ELF3: variants seen among roughly 807,000 people sequenced by gnomAD.
The protein encoded by ELF3 is ETS-related transcription factor Elf-3.
In ELF3, 18 loss-of-function variants were observed where a neutral mutation model predicts 43.9. The ratio of observed to expected loss-of-function variants is 0.41; its 90% confidence interval spans 0.28 to 0.61. The LOEUF (loss-of-function observed/expected upper bound fraction) is 0.61, where lower values mean the gene tolerates loss of function less well. Among genes scored for constraint, ELF3 ranks in the 20% least tolerant of loss-of-function variants. The pLI is 0.30. For missense variants in ELF3, 373 were observed against 487.7 expected (o/e 0.76, Z 2.21); for synonymous variants, 181 against 190.2 (o/e 0.95, Z 0.40).
chr1:202,013,728 T>A lies in ELF3; in HGVS notation c.806-101T>A. 1 of 1,318,448 alleles carries A rather than the reference T, an allele frequency of 7.6e-7. No homozygotes were observed. Among genetic ancestry groups the A allele is most frequent in the Non-Finnish European group, 1.0e-6 (1 of 966,994 alleles). 81.7% of individuals were successfully genotyped at this position (1,318,448 alleles called of 1,614,324 possible). On this transcript the variant is annotated intron_variant, in intron 7 of 8. Coordinates refer to ENST00000367284, the MANE Select transcript of ELF3 (RefSeq NM_004433.5). The surrounding 1 kb of genome is among the most constrained non-coding windows in gnomAD (Gnocchi z 5.7). ...GGGGTCTCTGGAGAGGCTTGCTGCA[T>A]GCTGTGGCCAAGTCAGCAGTGCACT...
Position 202,016,634 on chromosome 1 carries a change from A to G in ELF3, c.*1311A>G, listed in dbSNP as rs1684314471. The stretch of plus-strand genomic sequence containing the variant: ...TTTTTCTCTTTTTTTTTTAATTGCA[A>G]CTTTTACTTTAGATTTAGGAGGTCG... On this transcript the variant is annotated 3_prime_UTR_variant, in exon 9 of 9. Transcript: ENST00000367284. 1 of 151,610 alleles carries G rather than the reference A, an allele frequency of 6.6e-6. No homozygotes were observed. Among genetic ancestry groups the G allele is most frequent in the South Asian group, 2.1e-4 (1 of 4,810 alleles). 9.4% of individuals were successfully genotyped at this position (151,610 alleles called of 1,614,324 possible). A position where few individuals can be genotyped will look rare whatever the true frequency, so the allele number is the denominator to read the frequency against.
Position 202,013,292 on chromosome 1 carries a change from A to G in ELF3, c.799A>G (p.Lys267Glu), listed in dbSNP as rs1339557452. 1 of 1,613,304 alleles carries G rather than the reference A, an allele frequency of 6.2e-7. No individual in the cohort carries two copies. Among genetic ancestry groups the G allele is most frequent in the Non-Finnish European group, 8.5e-7 (1 of 1,179,426 alleles). Reference sequence around the variant, plus strand: ...GGACTGTCTCGAGGGCAAGAAGAGCAAGCACGGTGAGCTCCGGGGGCACGT... The same window carrying G: ...GGACTGTCTCGAGGGCAAGAAGAGCGAGCACGGTGAGCTCCGGGGGCACGT... The part of the protein sequence containing the change: ...YWDCLEGKKS[K>E]HAPRGTHLWE... The change falls in exon 7 of 9, where the codon AAG becomes GAG. Residue 267 changes from lysine (K) to glutamate (E), a missense_variant. By Grantham distance (56) the Lys-to-Glu change is moderately conservative. This residue lies in a region of ELF3 where 311 missense variants were observed against 351.2 expected (regional missense o/e 0.89). Transcript: ENST00000367284. The surrounding 1 kb of genome is among the most constrained non-coding windows in gnomAD (Gnocchi z 5.7).
rs764832150 is a variant in ELF3, at chr1:202,011,227, C to G, written c.91C>G (p.Pro31Ala). The change falls in exon 2 of 9, where the codon CCT becomes GCT. Residue 31 changes from proline (P) to alanine (A), a missense_variant. Physicochemically the swap from Pro to Ala is conservative, Grantham distance 27. This residue lies in a region of ELF3 where 311 missense variants were observed against 351.2 expected (regional missense o/e 0.89). Coordinates refer to ENST00000367284, the MANE Select transcript of ELF3 (RefSeq NM_004433.5). ...GGACTCCACCCTGGCCTCTGTTCCC[C>G]CTGCTGCCACCTTTGGGGCCGATGA... ...SEDSTLASVP[P>A]AATFGADDLV... 1 of 1,613,572 alleles carries G rather than the reference C, an allele frequency of 6.2e-7. No homozygotes were observed. Among genetic ancestry groups the G allele is most frequent in the South Asian group, 1.1e-5 (1 of 91,038 alleles).
In ELF3 at chr1:202,013,307, C is replaced by T. The variant is rs555986972; in HGVS notation, c.805+9C>T. On this transcript the variant is annotated intron_variant, in intron 7 of 8. Transcript: ENST00000367284. This position sits in a 1 kb window ranked among gnomAD's most constrained non-coding sequence, Gnocchi z 5.7. Reference sequence around the variant, plus strand: ...CAAGAAGAGCAAGCACGGTGAGCTCCGGGGGCACGTGGGTCCTCCCTGCGC... The same window carrying T: ...CAAGAAGAGCAAGCACGGTGAGCTCTGGGGGCACGTGGGTCCTCCCTGCGC... The T allele has an allele frequency of 2.1e-5, 34 of 1,611,792 alleles. No homozygotes were observed. The highest frequency in any genetic ancestry group is 1.7e-4 in the Admixed American group (10 of 59,924).
rs762602641 is a variant in ELF3 at position 202,010,917 on chromosome 1, TGAG to T, written c.-8-207_-8-205del. 4.3e-4 allele frequency: 240 copies of T among 555,372 alleles called. No individual in the cohort carries two copies. Among genetic ancestry groups the T allele is most frequent in the Non-Finnish European group, 7.1e-4 (223 of 315,678 alleles). The allele number at this position is 555,372 out of a possible 1,614,324, so 34.4% of individuals were successfully genotyped here. A position where few individuals can be genotyped will look rare whatever the true frequency, so the allele number is the denominator to read the frequency against. On this transcript the variant is annotated intron_variant, in intron 1 of 8. Transcript: ENST00000367284. This position sits in a 1 kb window ranked among gnomAD's most constrained non-coding sequence, Gnocchi z 4.3. ...GTCTGGCTCCAGGGCCCCAGAGATCTGAGGAGGGAAGCCCAGCTGGAGGCTCCT... is the reference window on the plus strand; with the variant it reads ...GTCTGGCTCCAGGGCCCCAGAGATCTGAGGGAAGCCCAGCTGGAGGCTCCT...
In ELF3 at chr1:202,015,724, C is replaced by T. The variant is rs904517116; in HGVS notation, c.*401C>T. ...GAGGACAGAGCAGGGGCTCCAGCACCTTCTTTCTGGACTGGCGTTCACCTC... is the reference window on the plus strand; with the variant it reads ...GAGGACAGAGCAGGGGCTCCAGCACTTTCTTTCTGGACTGGCGTTCACCTC... On this transcript the variant is annotated 3_prime_UTR_variant, in exon 9 of 9. Coordinates refer to ENST00000367284, the MANE Select transcript of ELF3 (RefSeq NM_004433.5). The T allele has an allele frequency of 2.0e-5, 4 of 196,042 alleles. No homozygotes were observed. Among genetic ancestry groups the T allele is most frequent in the Non-Finnish European group, 4.3e-5 (4 of 92,968 alleles). The allele number at this position is 196,042 out of a possible 1,614,324, so 12.1% of individuals were successfully genotyped here. A position where few individuals can be genotyped will look rare whatever the true frequency, so the allele number is the denominator to read the frequency against.
In ELF3 at chr1:202,013,888, A is replaced by C; in HGVS notation, c.865A>C (p.Asn289His). The change falls in exon 8 of 9, where the codon AAC becomes CAC. Residue 289 changes from asparagine (N) to histidine (H), a missense_variant. Transcript: ENST00000367284. The surrounding 1 kb of genome is among the most constrained non-coding windows in gnomAD (Gnocchi z 5.7). ...GGACATCCTCATCCACCCGGAGCTC[A>C]ACGAGGGCCTCATGAAGTGGGAGAA... ...IRDILIHPEL[N>H]EGLMKWENRH... is the part of the protein sequence containing the mutation. 1 of 1,614,112 alleles carries C rather than the reference A, an allele frequency of 6.2e-7. No homozygotes were observed. Among genetic ancestry groups the C allele is most frequent in the Non-Finnish European group, 8.5e-7 (1 of 1,179,998 alleles).
At chr1:202,011,737 C>T (rs1035635097) in intron 2 of ELF3, 5 of 571,208 alleles carry the variant, frequency 8.8e-6, no homozygotes, top group African/African-American at 5.6e-5. Flanking sequence ...TTTATCCCAG[C>T]GTGGTGGTGG....
chr1:202,011,743 G>A (rs529825132), intron 2 of ELF3: 3 of 582,816 alleles, frequency 5.1e-6, no homozygotes, highest in East Asian at 2.9e-5. Context: ...CCAGCGTGGT[G>A]GTGGGCACCT....
intron 8 of ELF3, 84 bp from the exon 9 acceptor site, chr1:202,015,125 G>A: frequency 7.1e-7 from 1 of 1,402,492 alleles, no homozygotes; most frequent in Non-Finnish European, 1.0e-6. Context: ...GTTACCTGGG[G>A]GTAACGCGGG....
rs373408742 is a variant in ELF3 at position 202,012,411 on chromosome 1, G to A, written c.453G>A (p.Gln151=). Residue 151 remains glutamine, a synonymous_variant, in exon 4 of 9, where the codon CAG becomes CAA. Transcript: ENST00000367284. The surrounding 1 kb of genome is among the most constrained non-coding windows in gnomAD (Gnocchi z 4.2). ...ELLEKDGMAF[Q]EALDPGPFDQ... ...TGGAGAAGGATGGCATGGCCTTCCA[G>A]GAGGCCCTAGACCCAGGGCCCTTTG... The A allele has an allele frequency of 6.2e-7, 1 of 1,614,110 alleles. No individual in the cohort carries two copies. The highest frequency in any genetic ancestry group is 8.5e-7 in the Non-Finnish European group (1 of 1,180,000).
In ELF3 at chr1:202,012,588, G is replaced by C; in HGVS notation, c.479-52G>C. On this transcript the variant is annotated intron_variant, in intron 4 of 8. Coordinates refer to ENST00000367284, the MANE Select transcript of ELF3 (RefSeq NM_004433.5). This position sits in a 1 kb window ranked among gnomAD's most constrained non-coding sequence, Gnocchi z 4.2. ...ATCAGACCCATGGGCAGCATCACCT[G>C]TCCTGGTCTGGTCCCCTGAGCCCTC... 6.4e-7 allele frequency: 1 copy of C among 1,556,338 alleles called. No homozygotes were observed. Among genetic ancestry groups the C allele is most frequent in the Middle Eastern group, 1.7e-4 (1 of 5,784 alleles).
chr1:202,014,153 A>T (rs1314362491), intron 8 of ELF3, 129 bp downstream of exon 8: 5 of 1,142,836 alleles, frequency 4.4e-6, no homozygotes, highest in Non-Finnish European at 6.1e-6. Flanking sequence ...TGAGGACAAC[A>T]TCTGGGTTGG....
Position 202,012,268 on chromosome 1 carries a change from G to A in ELF3, c.386-76G>A. On this transcript the variant is annotated intron_variant, in intron 3 of 8. Transcript: ENST00000367284. This position sits in a 1 kb window ranked among gnomAD's most constrained non-coding sequence, Gnocchi z 4.2. ...GGCCGTAGGCAGGCCCTGGAGCTCTGGGCCAGCTGCACAGCCAGAGAGAGC... is the reference window on the plus strand; with the variant it reads ...GGCCGTAGGCAGGCCCTGGAGCTCTAGGCCAGCTGCACAGCCAGAGAGAGC... 2.5e-6 allele frequency: 4 copies of A among 1,606,790 alleles called. No individual in the cohort carries two copies. In the Admixed American group the frequency reaches 5.0e-5, roughly 20 times the overall value.
At position 202,013,737 on chromosome 1, in the gene ELF3, C is replaced by A; in HGVS notation, c.806-92C>A. On this transcript the variant is annotated intron_variant, in intron 7 of 8. Transcript: ENST00000367284. The surrounding 1 kb of genome is among the most constrained non-coding windows in gnomAD (Gnocchi z 5.7). ...GGAGAGGCTTGCTGCATGCTGTGGC[C>A]AAGTCAGCAGTGCACTGGGGCGGGC... The A allele has an allele frequency of 7.1e-7, 1 of 1,407,306 alleles. No homozygotes were observed. The highest frequency in any genetic ancestry group is 9.6e-7 in the Non-Finnish European group (1 of 1,043,908). The allele number at this position is 1,407,306 out of a possible 1,614,324, so 87.2% of individuals were successfully genotyped here.
intron 8 of ELF3, among the ~76,000 whole-genome samples, 180 bp downstream of exon 8, chr1:202,014,204 G>A (rs1684268962): frequency 6.6e-6 from 1 of 152,214 alleles, no homozygotes; most frequent in Non-Finnish European, 1.5e-5. Flanking sequence ...GAAAGTATTA[G>A]CCTGGCAGAC....
rs200215849 is a variant in ELF3, at chr1:202,013,237, C to G, written c.744C>G (p.Gly248=). 1.2e-6 allele frequency: 2 copies of G among 1,614,192 alleles called. No homozygotes were observed. Among genetic ancestry groups the G allele is most frequent in the Admixed American group, 3.3e-5 (2 of 60,028 alleles). ...CCAAGCACGGGAAGCGGAAACGAGG[C>G]CGGCCCCGAAAGCTGAGCAAAGAGT... ...GDPKHGKRKR[G]RPRKLSKEYW... is the part of the protein sequence containing the mutation. The change falls in exon 7 of 9, where the codon GGC becomes GGG. Residue 248 remains glycine, a synonymous_variant. Transcript: ENST00000367284. This position sits in a 1 kb window ranked among gnomAD's most constrained non-coding sequence, Gnocchi z 5.7.
chr1:202,010,852 A>T lies in ELF3; in HGVS notation c.-9+146A>T. The T allele has an allele frequency of 2.3e-6, 1 of 426,976 alleles. No individual in the cohort carries two copies. Among genetic ancestry groups the T allele is most frequent in the South Asian group, 2.5e-5 (1 of 39,822 alleles). The allele number at this position is 426,976 out of a possible 1,614,324, so 26.4% of individuals were successfully genotyped here. On this transcript the variant is annotated intron_variant, in intron 1 of 8. Coordinates refer to ENST00000367284, the MANE Select transcript of ELF3 (RefSeq NM_004433.5). This position sits in a 1 kb window ranked among gnomAD's most constrained non-coding sequence, Gnocchi z 4.3. ...GTCCTGAGGGTCAAAGAACAGAGAG[A>T]GATTGTCTCTGGGAAGGCAGAATGG...
At chr1:202,011,625 A>G (rs1684197932) in intron 2 of ELF3, 1 of 458,948 alleles carries the variant, frequency 2.2e-6, no homozygotes, top group Non-Finnish European at 3.9e-6. Context: ...TAATCCCAGC[A>G]CTTTGGGAGG....
Sources: gnomAD v4.1 joint callset for allele counts (sites outside exome capture counted in the v4.1 genomes callset) on GRCh38, gnomAD v4.1.1 for gene constraint, gnomAD v4.1.1 regional missense constraint, Gnocchi (gnomAD v3.1) non-coding constraint, MANE v1.5 for transcripts, NCBI Gene and HGNC (gene_info 2026-07-23, HGNC 2026-07-21) for gene names.